The following RAB3C variants were observed in gnomAD, a reference collection of about 807,000 sequenced individuals.
The protein encoded by RAB3C is ras-related protein Rab-3C.
RAB3C carries 17 observed loss-of-function variants against 26.4 expected under a neutral mutation model. That is an observed-to-expected ratio of 0.64 (90% CI 0.44 to 0.97). RAB3C has a LOEUF of 0.97. RAB3C is among the 50% of genes least tolerant of loss of function. The probability of loss-of-function intolerance (pLI) is 0.00; values close to 1 mark genes in which losing one functional copy is unlikely to be tolerated. For synonymous variants in RAB3C, 91 were observed against 95.9 expected (o/e 0.95, Z 0.30); for missense variants, 242 against 281.9 (o/e 0.86, Z 1.01).
intron 2 of RAB3C, among the ~76,000 whole-genome samples, chr5:58,678,001 T>TGTGTGC (rs746269233): frequency 2.3e-4 from 34 of 145,192 alleles, no homozygotes; most frequent in Non-Finnish European, 5.1e-4. Flanking sequence ...TGTGTGTGTG[T>TGTGTGC]GCATGCGTGT....
At chr5:58,692,713 A>G (rs1344670835) in intron 2 of RAB3C, among the ~76,000 whole-genome samples, 1 of 150,870 alleles carries the variant, frequency 6.6e-6, no homozygotes, top group South Asian at 2.1e-4. Context: ...TTGCTTTTCC[A>G]TTTCTATTCC....
chr5:58,612,259 T>C (rs944189859), intron 1 of RAB3C, among the ~76,000 whole-genome samples: 2 of 152,002 alleles, frequency 1.3e-5, no homozygotes, highest in African/African-American at 2.4e-5. Context: ...TTTTTTCTAG[T>C]TCTGTGAAGA....
In RAB3C at chr5:58,859,231, G is replaced by A. The variant is rs1294418250; in HGVS notation, c.*7880G>A. On this transcript the variant is annotated 3_prime_UTR_variant, in exon 5 of 5. Transcript: ENST00000282878. ...AAGCTATGAAGTGTATTCACATTGT[G>A]AAGTTTTAATTATCTTTATTGAAAT... 6.6e-6 allele frequency: 1 copy of A among 152,226 alleles called. No individual in the cohort carries two copies. Among genetic ancestry groups the A allele is most frequent in the Non-Finnish European group, 1.5e-5 (1 of 68,038 alleles). 9.4% of individuals were successfully genotyped at this position (152,226 alleles called of 1,614,324 possible).
chr5:58,672,604 T>C (rs1748142949), intron 2 of RAB3C, among the ~76,000 whole-genome samples: 1 of 152,190 alleles, frequency 6.6e-6, no homozygotes, highest in Non-Finnish European at 1.5e-5. Flanking sequence ...GAAGGACTTC[T>C]GGTTGGTTGG....
In RAB3C at chr5:58,825,056, A is replaced by G; in HGVS notation, c.390A>G (p.Thr130=). The change falls in exon 4 of 5, where the codon ACA becomes ACG. Residue 130 remains threonine, a synonymous_variant. Coordinates refer to ENST00000282878, the MANE Select transcript of RAB3C (RefSeq NM_138453.4). ...CTTTTAGGTCAACTCAAATCAAAAC[A>G]TACTCTTGGGACAATGCCCAAGTTA... ...AVQDWSTQIK[T]YSWDNAQVIL... 8 of 1,609,690 alleles carry G rather than the reference A, an allele frequency of 5.0e-6. No homozygotes were observed. Among genetic ancestry groups the G allele is most frequent in the Non-Finnish European group, 6.8e-6 (8 of 1,177,614 alleles).
intron 4 of RAB3C, among the ~76,000 whole-genome samples, chr5:58,834,905 T>C (rs1395954416): frequency 6.6e-6 from 1 of 152,176 alleles, no homozygotes; most frequent in Non-Finnish European, 1.5e-5. Context: ...GGATCTCCAC[T>C]CTCCCTTCTG....
chr5:58,738,189 T>C (rs1252132754), intron 3 of RAB3C, among the ~76,000 whole-genome samples: 2 of 152,166 alleles, frequency 1.3e-5, no homozygotes, highest in Non-Finnish European at 2.9e-5. Flanking sequence ...TTCCCACTCA[T>C]ACCTTCATTT....
intron 3 of RAB3C, among the ~76,000 whole-genome samples, chr5:58,819,497 T>C (rs1182335603): frequency 6.6e-6 from 1 of 152,234 alleles, no homozygotes; most frequent in Non-Finnish European, 1.5e-5. Context: ...CGAGCTCTTA[T>C]TTCAACCTAG....
chr5:58,611,812 C>T (rs1367341143), intron 1 of RAB3C, among the ~76,000 whole-genome samples: 1 of 152,118 alleles, frequency 6.6e-6, no homozygotes, highest in African/African-American at 2.4e-5. Context: ...TTGCCTGCTC[C>T]TATGTCAATA....
chr5:58,816,400 C>A (rs1385636258), intron 3 of RAB3C, among the ~76,000 whole-genome samples: 1 of 152,166 alleles, frequency 6.6e-6, no homozygotes, highest in Admixed American at 6.5e-5. Context: ...TATACTCCAA[C>A]TTCTGTCAGT....
At chr5:58,848,621 C>T (rs1182434089) in intron 4 of RAB3C, 2 of 152,058 alleles carry the variant, frequency 1.3e-5, no homozygotes, top group African/African-American at 4.8e-5. Context: ...CTGAATAGTA[C>T]CTATTATATA....
chr5:58,641,150 G>A (rs937251479), intron 2 of RAB3C, among the ~76,000 whole-genome samples: 3 of 152,150 alleles, frequency 2.0e-5, no homozygotes, highest in African/African-American at 7.2e-5. Context: ...AAGTTAATGT[G>A]TGAGTGCAAA....
At chr5:58,784,350 C>T (rs191185942) in intron 3 of RAB3C, among the ~76,000 whole-genome samples, 6 of 152,192 alleles carry the variant, frequency 3.9e-5, no homozygotes, top group South Asian at 4.1e-4. Context: ...TGGCGGAAGA[C>T]GAATGAGAAG....
chr5:58,747,025 A>G (rs1235110064), intron 3 of RAB3C, among the ~76,000 whole-genome samples: 1 of 152,216 alleles, frequency 6.6e-6, no homozygotes, highest in African/African-American at 2.4e-5. Context: ...GAAACTTTTA[A>G]GTTCTCTCAT....
At chr5:58,788,899 T>C (rs1447661639) in intron 3 of RAB3C, among the ~76,000 whole-genome samples, 1 of 152,178 alleles carries the variant, frequency 6.6e-6, no homozygotes, top group African/African-American at 2.4e-5. Flanking sequence ...GCTTAATGCC[T>C]GTCAAGGTTT....
chr5:58,799,917 G>A (rs1356315091), intron 3 of RAB3C, among the ~76,000 whole-genome samples: 1 of 152,152 alleles, frequency 6.6e-6, no homozygotes, highest in Non-Finnish European at 1.5e-5. Flanking sequence ...AAAAGAGTGA[G>A]AAAAAGGGCA....
rs1475892957 is a variant in RAB3C, at chr5:58,857,981, A to G, written c.*6630A>G. 6.6e-6 allele frequency: 1 copy of G among 152,192 alleles called. No homozygotes were observed. The highest frequency in any genetic ancestry group is 1.5e-5 in the Non-Finnish European group (1 of 68,018). 9.4% of individuals were successfully genotyped at this position (152,192 alleles called of 1,614,324 possible). On this transcript the variant is annotated 3_prime_UTR_variant, in exon 5 of 5. Transcript: ENST00000282878. ...GGCAAAGCATTCATTTTAATATTGT[A>G]CTTTGCCTTTTCATTCAGTTAGTGG...
intron 1 of RAB3C, among the ~76,000 whole-genome samples, chr5:58,588,746 A>C (rs139727068): frequency 9.8e-4 from 149 of 151,876 alleles, no homozygotes; most frequent in African/African-American, 3.5e-3. Flanking sequence ...CTGTATCCAG[A>C]CTCTGATCTG....
intron 2 of RAB3C, among the ~76,000 whole-genome samples, chr5:58,621,086 G>A (rs1746927299): frequency 6.6e-6 from 1 of 152,136 alleles, no homozygotes; most frequent in Non-Finnish European, 1.5e-5. Flanking sequence ...ACCAAGCAGT[G>A]AACTGCTCTT....
Sources: gnomAD v4.1 joint callset for allele counts (sites outside exome capture counted in the v4.1 genomes callset) on GRCh38, gnomAD v4.1.1 for gene constraint, MANE v1.5 for transcripts, NCBI Gene and HGNC (gene_info 2026-07-23, HGNC 2026-07-21) for gene names.